The following AUTS2 variants were observed in gnomAD, a reference collection of about 807,000 sequenced individuals.
AUTS2 encodes activator of transcription and developmental regulator AUTS2.
AUTS2 carries 17 observed loss-of-function variants against 112.4 expected under a neutral mutation model. That is an observed-to-expected ratio of 0.15 (90% confidence interval 0.10 to 0.23). AUTS2 has a LOEUF of 0.23. Among genes scored for constraint, AUTS2 ranks in the 10% least tolerant of loss-of-function variants. The pLI, the probability that AUTS2 is intolerant of heterozygous loss-of-function variation, is 1.00. For missense variants in AUTS2, 1,510 were observed against 1,701.6 expected, an observed-to-expected ratio of 0.89 and a Z score of 1.98; for synonymous variants, 751 against 702.7, an observed-to-expected ratio of 1.07 and a Z score of -1.09.
At chr7:70,188,122 A>G (rs1231156403) in intron 4 of AUTS2, among the ~76,000 whole-genome samples, 1 of 152,238 alleles carries the variant, frequency 6.6e-6, no homozygotes, top group African/African-American at 2.4e-5. Flanking sequence ...ACTGACAATT[A>G]TTGAGTGCCT....
At chr7:70,728,447 G>T (rs577016565) in intron 6 of AUTS2, among the ~76,000 whole-genome samples, 4 of 152,152 alleles carry the variant, frequency 2.6e-5, no homozygotes, top group South Asian at 2.1e-4. Context: ...GGTGGCTCAT[G>T]CCTGTAATCT....
In AUTS2 at chr7:70,763,057, G is replaced by A; in HGVS notation, c.930G>A (p.Gln310=). ...PQVAQPIPQP[Q]TEPQLRAPSP... Reference sequence around the variant, plus strand: ...TCGCACAGCCAATACCCCAGCCGCAGACGGAGCCCCAACTCCGAGCTCCTT... The same window carrying A: ...TCGCACAGCCAATACCCCAGCCGCAAACGGAGCCCCAACTCCGAGCTCCTT... Residue 310 remains glutamine (Q), a synonymous_variant, in exon 7 of 19, where the codon CAG becomes CAA. Coordinates refer to ENST00000342771, the MANE Select transcript of AUTS2 (RefSeq NM_015570.4). The A allele has an allele frequency of 6.2e-7, 1 of 1,614,138 alleles. No individual in the cohort carries two copies.
intron 2 of AUTS2, among the ~76,000 whole-genome samples, chr7:70,080,606 C>G (rs1452873643): frequency 6.6e-6 from 1 of 152,166 alleles, no homozygotes; most frequent in Non-Finnish European, 1.5e-5. Flanking sequence ...AGGTGTACAT[C>G]TATACATACA....
chr7:69,770,850 C>T (rs210604), intron 1 of AUTS2, among the ~76,000 whole-genome samples: 2 of 151,596 alleles, frequency 1.3e-5, no homozygotes, highest in Non-Finnish European at 2.9e-5. Context: ...CATCATTTAA[C>T]GTTAAGGATA....
chr7:70,637,047 C>T (rs559982016), intron 5 of AUTS2, among the ~76,000 whole-genome samples: 1 of 152,148 alleles, frequency 6.6e-6, no homozygotes, highest in African/African-American at 2.4e-5. Flanking sequence ...TGTGTTATGT[C>T]AGGTAGGTTG....
chr7:70,718,358 T>A (rs1810488550), intron 6 of AUTS2, among the ~76,000 whole-genome samples: 1 of 152,130 alleles, frequency 6.6e-6, no homozygotes, highest in Non-Finnish European at 1.5e-5. Context: ...AGAGTATCCT[T>A]AGCTTTAAAA....
intron 1 of AUTS2, among the ~76,000 whole-genome samples, chr7:69,820,399 A>C (rs1415735404): frequency 6.6e-6 from 1 of 152,228 alleles, no homozygotes; most frequent in Non-Finnish European, 1.5e-5. Context: ...GATTTGTTAG[A>C]ATTGCAGATT....
chr7:70,425,299 A>G (rs147725625), intron 4 of AUTS2, among the ~76,000 whole-genome samples: 5 of 152,358 alleles, frequency 3.3e-5, no homozygotes, highest in Admixed American at 6.5e-5. Flanking sequence ...GACAAAGTGG[A>G]TGAAAAAACA....
chr7:70,319,135 A>G (rs780868573), intron 4 of AUTS2, among the ~76,000 whole-genome samples: 3 of 152,230 alleles, frequency 2.0e-5, no homozygotes, highest in South Asian at 2.1e-4. Flanking sequence ...TTAAATAAAT[A>G]AAATATGGTG....
intron 4 of AUTS2, among the ~76,000 whole-genome samples, chr7:70,321,621 A>G (rs1790258302): frequency 6.6e-6 from 1 of 152,196 alleles, no homozygotes; most frequent in Non-Finnish European, 1.5e-5. Context: ...AAAAAACAGC[A>G]TTTCTAACCA....
intron 5 of AUTS2, among the ~76,000 whole-genome samples, chr7:70,486,385 G>A (rs895557271): frequency 1.3e-5 from 2 of 152,224 alleles, no homozygotes; most frequent in Admixed American, 1.3e-4. Flanking sequence ...AGTAATAGTA[G>A]TATATGTCAA....
At chr7:69,624,684 C>G (rs759078141) in intron 1 of AUTS2, among the ~76,000 whole-genome samples, 1 of 152,224 alleles carries the variant, frequency 6.6e-6, no homozygotes, top group African/African-American at 2.4e-5. Context: ...CCTTTCCCCT[C>G]TCTGCCTCAT....
chr7:70,126,819 T>C (rs1230226898), intron 3 of AUTS2, among the ~76,000 whole-genome samples: 1 of 152,200 alleles, frequency 6.6e-6, no homozygotes, highest in African/African-American at 2.4e-5. Context: ...ATGTGACCTT[T>C]CTTCCCCGCC....
chr7:70,381,404 A>C (rs1301770875), intron 4 of AUTS2, among the ~76,000 whole-genome samples: 1 of 152,218 alleles, frequency 6.6e-6, no homozygotes, highest in Non-Finnish European at 1.5e-5. Context: ...TGTACAAACT[A>C]TACTTCAAGG....
At chr7:70,527,646 G>T (rs1456436639) in intron 5 of AUTS2, among the ~76,000 whole-genome samples, 1 of 152,124 alleles carries the variant, frequency 6.6e-6, no homozygotes, top group African/African-American at 2.4e-5. Flanking sequence ...AAAGAGAAAA[G>T]AAAACACTGG....
intron 11 of AUTS2, among the ~76,000 whole-genome samples, chr7:70,773,033 A>C (rs934356411): frequency 2.0e-5 from 3 of 152,256 alleles, no homozygotes; most frequent in African/African-American, 7.2e-5. Context: ...AGGCCTTTCC[A>C]GGCCATCGTC....
At chr7:69,773,504 C>G (rs1303102107) in intron 1 of AUTS2, among the ~76,000 whole-genome samples, 2 of 151,100 alleles carry the variant, frequency 1.3e-5, no homozygotes, top group Admixed American at 6.6e-5. Flanking sequence ...TTTCCCCAAG[C>G]CTTTGGCTTG....
chr7:70,695,519 G>A (rs1809038034), intron 5 of AUTS2, among the ~76,000 whole-genome samples: 1 of 152,204 alleles, frequency 6.6e-6, no homozygotes, highest in South Asian at 2.1e-4. Flanking sequence ...TCGCGCTTAA[G>A]TTTCCAGGAG....
chr7:70,005,100 G>C (rs746721990), intron 2 of AUTS2, among the ~76,000 whole-genome samples: 17 of 151,978 alleles, frequency 1.1e-4, no homozygotes, highest in Admixed American at 3.9e-4. Flanking sequence ...GCCAGGATTA[G>C]AGGTGCGAGC....
Sources: gnomAD v4.1 joint callset for allele counts (sites outside exome capture counted in the v4.1 genomes callset) on GRCh38, gnomAD v4.1.1 for gene constraint, MANE v1.5 for transcripts, NCBI Gene and HGNC (gene_info 2026-07-23, HGNC 2026-07-21) for gene names.